MYO7A: variants seen among roughly 807,000 people sequenced by gnomAD.
MYO7A encodes the protein unconventional myosin-VIIa.
In MYO7A, 210 loss-of-function variants were observed where a neutral mutation model predicts 263.8. The observed-to-expected ratio is 0.80, with a 90% CI of 0.71 to 0.89. The LOEUF (loss-of-function observed/expected upper bound fraction) is 0.89, where lower values mean the gene tolerates loss of function less well. Ranked by LOEUF, MYO7A falls within the 40% of genes least tolerant of loss-of-function variation. The probability of loss-of-function intolerance (pLI) is 0.00; values close to 1 mark genes in which losing one functional copy is unlikely to be tolerated. For missense variants in MYO7A, 2,820 were observed against 2,968.3 expected, an observed-to-expected ratio of 0.95 and a Z score of 1.16; for synonymous variants, 1,239 against 1,197.3, an observed-to-expected ratio of 1.03 and a Z score of -0.72.
At chr11:77,146,308 C>T (rs1047820304) in intron 3 of MYO7A, among the ~76,000 whole-genome samples, 16 of 152,082 alleles carry the variant, frequency 1.1e-4, no homozygotes, top group African/African-American at 3.4e-4. Flanking sequence ...GGCTGAGGAG[C>T]CCAGGGGAGT....
chr11:77,139,997 G>T (rs1555049653), intron 2 of MYO7A, among the ~76,000 whole-genome samples: 1 of 152,200 alleles, frequency 6.6e-6, no homozygotes. Context: ...GTCTGGCCTA[G>T]AGCAAGATAG....
At chr11:77,172,946 C>T (rs2135408861) in intron 16 of MYO7A, 61 bp downstream of exon 16, 1 of 1,507,592 alleles carries the variant, frequency 6.6e-7, no homozygotes, top group South Asian at 1.3e-5. Flanking sequence ...GGAGCTAGGT[C>T]AAGAATAAGG....
chr11:77,214,109 G>C, intron 48 of MYO7A, 130 bp downstream of exon 48: 1 of 1,295,766 alleles, frequency 7.7e-7, no homozygotes, highest in Non-Finnish European at 1.1e-6. Flanking sequence ...TCATGCTGGG[G>C]CCAAGGTCAG....
chr11:77,173,450 T>C (rs12280267), intron 16 of MYO7A, among the ~76,000 whole-genome samples: 4,080 of 152,308 alleles, frequency 0.027, 158 homozygotes, highest in African/African-American at 0.092. Context: ...ATAGGCTGGA[T>C]GGTCAGTCCA....
intron 32 of MYO7A, among the ~76,000 whole-genome samples, chr11:77,195,504 C>T (rs1224696079): frequency 6.6e-6 from 1 of 152,242 alleles, no homozygotes; most frequent in Admixed American, 6.5e-5. Context: ...CTCCTCGGGG[C>T]TCACTGCCAT....
chr11:77,181,845 C>G (rs113426562), intron 23 of MYO7A, 106 bp from the exon 24 acceptor site: 8 of 915,846 alleles, frequency 8.7e-6, no homozygotes, highest in South Asian at 3.0e-5. Flanking sequence ...AGTGCAGTAG[C>G]GTGATCACAG....
intron 9 of MYO7A, among the ~76,000 whole-genome samples, chr11:77,159,059 C>A (rs4945151): frequency 0.4 from 60,822 of 152,036 alleles, 12,662 homozygotes; most frequent in African/African-American, 0.49. Flanking sequence ...AAGCTGACAG[C>A]AGGAAGAGCT....
chr11:77,173,088 G>C (rs947274740), intron 16 of MYO7A, among the ~76,000 whole-genome samples: 1 of 152,114 alleles, frequency 6.6e-6, no homozygotes, highest in Non-Finnish European at 1.5e-5. Context: ...TCTGCGGGGG[G>C]TTGCAGCAGG....
Position 77,198,770 on chromosome 11 carries a change from C to T in MYO7A, c.4568+149C>T, listed in dbSNP as rs902052002. On this transcript the variant is annotated intron_variant, in intron 34 of 48. Transcript: ENST00000409709. ...TTTGTGCCGCACTGTGCAGACCCCTCTGGCACCTCCTAGTGGAGGGATGGG... is the reference window on the plus strand; with the variant it reads ...TTTGTGCCGCACTGTGCAGACCCCTTTGGCACCTCCTAGTGGAGGGATGGG... 1.3e-5 allele frequency: 16 copies of T among 1,223,458 alleles called. No individual in the cohort carries two copies. The Middle Eastern group carries it at 7.9e-4, about 60-fold the overall frequency. 75.8% of individuals were successfully genotyped at this position (1,223,458 alleles called of 1,614,324 possible). A position where few individuals can be genotyped will look rare whatever the true frequency, so the allele number is the denominator to read the frequency against.
intron 4 of MYO7A, among the ~76,000 whole-genome samples, chr11:77,152,847 A>G (rs943761311): frequency 3.3e-5 from 5 of 152,008 alleles, no homozygotes; most frequent in Non-Finnish European, 5.9e-5. Flanking sequence ...AAACTGAAGG[A>G]TGAGAAGGAA....
At chr11:77,195,281 G>A (rs7481443) in intron 32 of MYO7A, among the ~76,000 whole-genome samples, 71,244 of 151,392 alleles carry the variant, frequency 0.47, 17,534 homozygotes, top group Admixed American at 0.57. Flanking sequence ...TGCTCCCTGC[G>A]CCAGCCTGCT....
chr11:77,198,838 G>A (rs1956868894), intron 34 of MYO7A, among the ~76,000 whole-genome samples: 1 of 152,228 alleles, frequency 6.6e-6, no homozygotes, highest in South Asian at 2.1e-4. Flanking sequence ...AGACAGGAAT[G>A]GGCTGTCAGG....
intron 27 of MYO7A, among the ~76,000 whole-genome samples, chr11:77,185,802 G>C (rs1047755035): frequency 7.2e-5 from 11 of 152,166 alleles, no homozygotes; most frequent in African/African-American, 2.7e-4. Context: ...GGCAGCAATA[G>C]TCTTATAAAA....
At chr11:77,189,315 C>G in intron 27 of MYO7A, 29 bp from the exon 28 acceptor site, 1 of 1,611,312 alleles carries the variant, frequency 6.2e-7, no homozygotes, top group Non-Finnish European at 8.5e-7. Context: ...TGGGGTGATT[C>G]CCCCTCCCTT....
intron 4 of MYO7A, among the ~76,000 whole-genome samples, chr11:77,148,166 T>C (rs1435977652): frequency 6.6e-6 from 1 of 152,168 alleles, no homozygotes; most frequent in Non-Finnish European, 1.5e-5. Context: ...GTGGCTTTTG[T>C]AGTCTGTGGT....
In MYO7A at chr11:77,213,931, C is replaced by T; in HGVS notation, c.6510C>T (p.Thr2170=). 6.2e-7 allele frequency: 1 copy of T among 1,614,090 alleles called. No individual in the cohort carries two copies. Among genetic ancestry groups the T allele is most frequent in the Non-Finnish European group, 8.5e-7 (1 of 1,179,906 alleles). The change falls in exon 48 of 49, where the codon ACC becomes ACT. Residue 2170 remains threonine (T), a synonymous_variant. Transcript: ENST00000409709. ...GCGGCAACACCTACTTCCACATCAC[C>T]ATTGGGAACTTGGTGCGCGGGAGCA... ...WSSGNTYFHI[T]IGNLVRGSKL...
At chr11:77,129,589 T>C (rs1341041185) in intron 1 of MYO7A, among the ~76,000 whole-genome samples, 2 of 152,174 alleles carry the variant, frequency 1.3e-5, no homozygotes, top group Non-Finnish European at 2.9e-5. Context: ...CCTCTCCCAT[T>C]GGCCACATCC....
In MYO7A at chr11:77,208,436, A is replaced by G. The variant is rs1957610697; in HGVS notation, c.5863A>G (p.Ser1955Gly). The G allele has an allele frequency of 6.2e-7, 1 of 1,612,214 alleles. No homozygotes were observed. Among genetic ancestry groups the G allele is most frequent in the Non-Finnish European group, 8.5e-7 (1 of 1,178,544 alleles). ...TCGATGGCCCTGACCCCAGGTCCTC[A>G]GCGTTCCTGAGAATGACTTCTTCTT... is the stretch of plus-strand genomic sequence containing the variant. ...LFVKIADKVLSVPENDFFFDF... is the reference protein window; with the variant it reads ...LFVKIADKVLGVPENDFFFDF... Residue 1955 changes from serine (S) to glycine (G), a missense_variant, in exon 43 of 49, where the codon AGC (serine) becomes GGC (glycine). Physicochemically the swap from Ser to Gly is moderately conservative, Grantham distance 56. Coordinates refer to ENST00000409709, the MANE Select transcript of MYO7A (RefSeq NM_000260.4).
At chr11:77,161,219 C>A in intron 12 of MYO7A, 104 bp downstream of exon 12, 1 of 1,368,668 alleles carries the variant, frequency 7.3e-7, no homozygotes. Context: ...TCCTGGCACA[C>A]TCTGCCAGGC....
Sources: allele counts gnomAD v4.1 joint callset (sites outside exome capture counted in the v4.1 genomes callset), GRCh38; gene constraint gnomAD v4.1.1; transcripts MANE v1.5; gene names NCBI Gene and HGNC (gene_info 2026-07-23, HGNC 2026-07-21).